NPAS3: variants seen among roughly 807,000 people sequenced by gnomAD.
NPAS3 encodes neuronal PAS domain protein 3.
A neutral mutation model predicts 73.1 loss-of-function variants in NPAS3; 14 were observed. The ratio of observed to expected loss-of-function variants is 0.19; its 90% confidence interval spans 0.13 to 0.30. The LOEUF (loss-of-function observed/expected upper bound fraction) is 0.30. NPAS3 is among the 10% of genes least tolerant of loss of function. NPAS3 has a pLI of 1.00. For synonymous variants in NPAS3, 620 were observed against 541.5 expected, an observed-to-expected ratio of 1.14 and a Z score of -2.01; for missense variants, 1,096 against 1,250.0, an observed-to-expected ratio of 0.88 and a Z score of 1.86.
At chr14:33,350,893 AGAT>A (rs1408944308) in intron 3 of NPAS3, among the ~76,000 whole-genome samples, 2 of 152,230 alleles carry the variant, frequency 1.3e-5, no homozygotes, top group Non-Finnish European at 2.9e-5. Context: ...ACTGAGCTTT[AGAT>A]GCACTGGCAC....
chr14:32,979,972 G>T (rs1014197933), intron 1 of NPAS3, among the ~76,000 whole-genome samples: 20 of 152,124 alleles, frequency 1.3e-4, no homozygotes, highest in African/African-American at 4.8e-4. Context: ...AACTTTTGTT[G>T]CGAAGAAAAG....
At chr14:33,331,222 A>G (rs1284090677) in intron 3 of NPAS3, among the ~76,000 whole-genome samples, 1 of 152,202 alleles carries the variant, frequency 6.6e-6, no homozygotes, top group Admixed American at 6.5e-5. Context: ...TATGCATGTG[A>G]ATATAATACA....
At chr14:33,164,839 C>CT (rs202227911) in intron 2 of NPAS3, among the ~76,000 whole-genome samples, 14,512 of 141,780 alleles carry the variant, frequency 0.1, 747 homozygotes, top group African/African-American at 0.14. Flanking sequence ...ACAGGTGACT[C>CT]TTTTTTTTTT....
rs1041957295 is a variant in NPAS3 at position 33,406,083 on chromosome 14, T to G, written c.468+38815T>G. Reference sequence around the variant, plus strand: ...AAGAAAAACATTTTTCAAAAGCAAATCATCTCAAACTGAAAAAAAAGATGT... The same window carrying G: ...AAGAAAAACATTTTTCAAAAGCAAAGCATCTCAAACTGAAAAAAAAGATGT... On this transcript the variant is annotated intron_variant, in intron 4 of 11. Coordinates refer to ENST00000356141, the Ensembl canonical transcript of NPAS3. 5.9e-5 allele frequency among the ~76,000 whole-genome samples: 9 copies of G among 152,022 alleles called. No homozygotes were observed. In the South Asian group the frequency reaches 1.0e-3, roughly 17 times the overall value.
At chr14:33,104,542 A>C (rs554147342) in intron 2 of NPAS3, among the ~76,000 whole-genome samples, 1 of 152,344 alleles carries the variant, frequency 6.6e-6, no homozygotes, top group Admixed American at 6.5e-5. Flanking sequence ...AACATCTTAC[A>C]TTCAGAGAAC....
intron 9 of NPAS3, among the ~76,000 whole-genome samples, chr14:33,784,745 A>ATTTATTTATTT (rs1471526546): frequency 6.8e-5 from 5 of 73,860 alleles, no homozygotes; most frequent in African/African-American, 3.1e-4. Context: ...TTATTTATTT[A>ATTTATTTATTT]TTTTTTTTTT....
chr14:33,734,558 G>T (rs1179828739), intron 6 of NPAS3, among the ~76,000 whole-genome samples: 1 of 152,146 alleles, frequency 6.6e-6, no homozygotes, highest in East Asian at 1.9e-4. Flanking sequence ...TGTTTGGAGG[G>T]TTGGGGTTGA....
chr14:33,494,322 A>G (rs766226292), intron 4 of NPAS3, among the ~76,000 whole-genome samples: 3 of 152,178 alleles, frequency 2.0e-5, no homozygotes, highest in Non-Finnish European at 2.9e-5. Context: ...CTGCAAGCAT[A>G]GAAAAACACC....
rs184095578 is a variant in NPAS3, at chr14:33,726,491, C to T, written c.734-8723C>T. 1.2e-4 allele frequency among the ~76,000 whole-genome samples: 18 copies of T among 152,248 alleles called. No individual in the cohort carries two copies. In the East Asian group the frequency reaches 2.7e-3, roughly 23 times the overall value. ...TAAGAATCATGAGCACGGAGATGGG[C>T]GTGATTCCTTCACCCAGACGTCCAT... On this transcript the variant is annotated intron_variant, in intron 6 of 11. Coordinates refer to ENST00000356141, the Ensembl canonical transcript of NPAS3.
chr14:33,501,339 T>C (rs10143880), intron 4 of NPAS3, among the ~76,000 whole-genome samples: 2,727 of 152,044 alleles, frequency 0.018, 81 homozygotes, highest in African/African-American at 0.058. Context: ...GCATAATCTA[T>C]AAATAGTTTG....
rs145964214 is a variant in NPAS3, at chr14:33,573,111, C to T, written c.558+12901C>T. On this transcript the variant is annotated intron_variant, in intron 5 of 11. Transcript: ENST00000356141. The stretch of plus-strand genomic sequence containing the variant: ...ACATCAGTAAAGTTATATAGATATA[C>T]CTGAAAATTCTGATACTCAACATTT... Among the ~76,000 whole-genome samples the T allele has an allele frequency of 8.6e-3, 1,293 of 151,056 alleles. 23 individuals are homozygous for T. Among genetic ancestry groups the T allele is most frequent in the African/African-American group, 0.03 (1,229 of 41,054 alleles).
intron 2 of NPAS3, among the ~76,000 whole-genome samples, chr14:33,146,706 G>A: frequency 6.6e-6 from 1 of 152,184 alleles, no homozygotes. Flanking sequence ...CACAGTTTCA[G>A]ACACCTAAAC....
intron 3 of NPAS3, among the ~76,000 whole-genome samples, chr14:33,236,528 G>A (rs2048039556): frequency 6.6e-6 from 1 of 152,048 alleles, no homozygotes; most frequent in Non-Finnish European, 1.5e-5. Context: ...AAAAAATTTG[G>A]AAAGCATTTG....
At chr14:33,199,769 C>T (rs2046543917) in intron 2 of NPAS3, among the ~76,000 whole-genome samples, 1 of 148,872 alleles carries the variant, frequency 6.7e-6, no homozygotes, top group African/African-American at 2.5e-5. Flanking sequence ...ACTATAATAC[C>T]ACTTCAAGGA....
In NPAS3 at chr14:33,787,065, T is replaced by C. The variant is rs149931965; in HGVS notation, c.1154-6832T>C. On this transcript the variant is annotated intron_variant, in intron 9 of 11. Coordinates refer to ENST00000356141, the Ensembl canonical transcript of NPAS3. ...CAAATTCCCCCCCCAAAAGAGAAGG[T>C]ATAGGTCCTAAAAAAAATACTCTAT... 5.0e-3 allele frequency among the ~76,000 whole-genome samples: 753 copies of C among 151,898 alleles called. 7 individuals are homozygous for C. Among genetic ancestry groups the C allele is most frequent in the African/African-American group, 0.017 (684 of 41,374 alleles).
chr14:33,083,409 G>T (rs1466132348), intron 2 of NPAS3, among the ~76,000 whole-genome samples: 1 of 152,012 alleles, frequency 6.6e-6, no homozygotes, highest in Non-Finnish European at 1.5e-5. Context: ...GAAAAGGAGA[G>T]GGTTGTATTC....
intron 5 of NPAS3, among the ~76,000 whole-genome samples, chr14:33,673,604 CAT>C (rs1284779386): frequency 6.6e-6 from 1 of 152,218 alleles, no homozygotes; most frequent in Non-Finnish European, 1.5e-5. Flanking sequence ...ATTTCTTCTG[CAT>C]AGTTTCACTA....
intron 5 of NPAS3, among the ~76,000 whole-genome samples, chr14:33,662,556 C>T (rs1418061663): frequency 1.3e-5 from 2 of 152,132 alleles, no homozygotes; most frequent in Admixed American, 6.5e-5. Flanking sequence ...GCCATTTTCA[C>T]GATATTGATT....
chr14:33,100,768 G>A (rs1202624224), intron 2 of NPAS3, among the ~76,000 whole-genome samples: 2 of 152,012 alleles, frequency 1.3e-5, no homozygotes, highest in South Asian at 4.1e-4. Context: ...AATAAATGTG[G>A]GAATTATTTT....
Sources: gnomAD v4.1 joint callset for allele counts (sites outside exome capture counted in the v4.1 genomes callset) on GRCh38, gnomAD v4.1.1 for gene constraint, MANE v1.5 for transcripts, NCBI Gene and HGNC (gene_info 2026-07-23, HGNC 2026-07-21) for gene names.